Variants in PLEKHG1 observed in about 807,000 individuals in gnomAD.
PLEKHG1 encodes the protein pleckstrin homology and RhoGEF domain containing G1.
In PLEKHG1, 44 loss-of-function variants were observed where a neutral mutation model predicts 100.8. The observed-to-expected ratio is 0.44, with a 90% CI of 0.34 to 0.56. The LOEUF (loss-of-function observed/expected upper bound fraction) is 0.56, where lower values mean the gene tolerates loss of function less well. Ranked by LOEUF, PLEKHG1 falls within the 20% of genes least tolerant of loss-of-function variation. PLEKHG1 has a pLI of 0.01. For synonymous variants in PLEKHG1, 640 were observed against 662.5 expected (o/e 0.97, Z 0.52); for missense variants, 1,545 against 1,720.9 (o/e 0.90, Z 1.81).
chr6:150,644,645 ATTC>A (rs1240741595), intron 2 of PLEKHG1, among the ~76,000 whole-genome samples: 2 of 151,864 alleles, frequency 1.3e-5, no homozygotes, highest in Non-Finnish European at 2.9e-5. Context: ...TGTTTTTTGT[ATTC>A]TTCTTATTTT....
intron 2 of PLEKHG1, among the ~76,000 whole-genome samples, chr6:150,748,516 A>G (rs1284237396): frequency 6.6e-6 from 1 of 150,786 alleles, no homozygotes; most frequent in African/African-American, 2.4e-5. Context: ...ATTTTCTAGT[A>G]TTTGCTGTCA....
intron 2 of PLEKHG1, among the ~76,000 whole-genome samples, chr6:150,641,342 C>T (rs971257314): frequency 6.6e-6 from 1 of 152,146 alleles, no homozygotes; most frequent in Non-Finnish European, 1.5e-5. Context: ...AAGAGATGAT[C>T]TGTGAAGTTC....
intron 3 of PLEKHG1, among the ~76,000 whole-genome samples, chr6:150,714,644 C>G (rs1272437263): frequency 2.6e-5 from 4 of 152,120 alleles, no homozygotes; most frequent in Non-Finnish European, 5.9e-5. Flanking sequence ...GGCTGAGAAA[C>G]TACATTTTCA....
At chr6:150,650,114 AG>A (rs1778667097) in intron 2 of PLEKHG1, among the ~76,000 whole-genome samples, 1 of 151,658 alleles carries the variant, frequency 6.6e-6, no homozygotes. Flanking sequence ...GAAAAACTGC[AG>A]CCCCAAATTT....
At chr6:150,760,638 T>TC in intron 2 of PLEKHG1, among the ~76,000 whole-genome samples, 1 of 145,598 alleles carries the variant, frequency 6.9e-6, no homozygotes, top group Non-Finnish European at 1.5e-5. Context: ...TGCTTTGCTT[T>TC]TTTTTTTTTT....
chr6:150,800,756 A>G (rs1184627399), exon 6 of PLEKHG1: 3 of 1,614,014 alleles, frequency 1.9e-6, no homozygotes, highest in Non-Finnish European at 2.5e-6. Flanking sequence ...GAGGAACAAG[A>G]TACTGGCCAA....
intron 3 of PLEKHG1, among the ~76,000 whole-genome samples, chr6:150,669,593 CTTTTTTT>C (rs1214928577): frequency 7.8e-6 from 1 of 127,614 alleles, no homozygotes; most frequent in Non-Finnish European, 1.7e-5. Context: ...AAGAATTATT[CTTTTTTT>C]TTTTTTTTTT....
At chr6:150,832,070 A>G (rs1191079072) in exon 15 of PLEKHG1, 9 of 1,614,096 alleles carry the variant, frequency 5.6e-6, no homozygotes, top group Non-Finnish European at 7.6e-6. Context: ...CAGTCAGAAG[A>G]TTAAGAAGGC....
In PLEKHG1 at chr6:150,821,378, T is replaced by C. The variant is rs1052770301; in HGVS notation, c.1447+145T>C. 2.4e-5 allele frequency: 16 copies of C among 673,202 alleles called. No individual in the cohort carries two copies. In the Admixed American group the frequency reaches 3.5e-4, roughly 15 times the overall value. 41.7% of individuals were successfully genotyped at this position (673,202 alleles called of 1,614,324 possible). A position where few individuals can be genotyped will look rare whatever the true frequency, so the allele number is the denominator to read the frequency against. On this transcript the variant is annotated intron_variant, in intron 13 of 15. Transcript: ENST00000358517. ...AGATTAACTTCTGTAAATAAAAGTG[T>C]CCCATTATAAAATATATAGTCAAAG... is the stretch of plus-strand genomic sequence containing the variant.
intron 1 of PLEKHG1, among the ~76,000 whole-genome samples, chr6:150,602,672 T>C (rs925812002): frequency 2.6e-5 from 4 of 152,132 alleles, no homozygotes; most frequent in Admixed American, 1.3e-4. Flanking sequence ...TTGAAGATGA[T>C]TGTTGTTGAT....
intron 3 of PLEKHG1, among the ~76,000 whole-genome samples, chr6:150,704,114 C>T (rs1162466497): frequency 6.6e-6 from 1 of 152,184 alleles, no homozygotes; most frequent in Non-Finnish European, 1.5e-5. Flanking sequence ...GTCCGACTGA[C>T]CTGTTAGCAT....
Position 150,832,216 on chromosome 6 carries a change from C to T in PLEKHG1, c.3094+11C>T, listed in dbSNP as rs1583217827. ...GAGGGCCCGCCATTGGTATGTGCAC[C>T]CTGCCCTTCTTCCTTCTCCAAAGTA... is the stretch of plus-strand genomic sequence containing the variant. On this transcript the variant is annotated intron_variant, in intron 15 of 15. Coordinates refer to ENST00000358517, the Ensembl canonical transcript of PLEKHG1. 1.3e-6 allele frequency: 2 copies of T among 1,550,848 alleles called. No homozygotes were observed. The highest frequency in any genetic ancestry group is 2.8e-5 in the African/African-American group (2 of 72,604).
At chr6:150,603,467 C>T (rs1776454670) in intron 1 of PLEKHG1, among the ~76,000 whole-genome samples, 1 of 152,156 alleles carries the variant, frequency 6.6e-6, no homozygotes. Context: ...AATGCTTTAG[C>T]TGAGAAGACA....
At chr6:150,705,669 G>A (rs946316172) in intron 3 of PLEKHG1, among the ~76,000 whole-genome samples, 12 of 152,192 alleles carry the variant, frequency 7.9e-5, no homozygotes, top group African/African-American at 2.7e-4. Context: ...TCTTCCTCAT[G>A]AGGATTAGGG....
rs185632724 is a variant in PLEKHG1, at chr6:150,787,613, G to A, written c.582+1154G>A. On this transcript the variant is annotated intron_variant, in intron 4 of 15. Coordinates refer to ENST00000358517, the Ensembl canonical transcript of PLEKHG1. ...AGACCCACTGGGAATTAGCACACGC[G>A]GAGTCCGGTGTGAACTGGGAGATGT... Among the ~76,000 whole-genome samples, 26 of 152,302 alleles carry A rather than the reference G, an allele frequency of 1.7e-4. No homozygotes were observed. In the East Asian group the frequency reaches 2.7e-3, roughly 16 times the overall value.
At chr6:150,721,797 G>A (rs1485755132) in intron 1 of PLEKHG1, among the ~76,000 whole-genome samples, 2 of 152,144 alleles carry the variant, frequency 1.3e-5, no homozygotes, top group Admixed American at 1.3e-4. Flanking sequence ...TGTATTCAAT[G>A]CCGTTGTCCA....
intron 1 of PLEKHG1, among the ~76,000 whole-genome samples, chr6:150,611,617 G>A (rs1776831386): frequency 6.6e-6 from 1 of 152,122 alleles, no homozygotes; most frequent in Admixed American, 6.5e-5. Flanking sequence ...TTCAAGACCA[G>A]CCTGGCCAAC....
intron 2 of PLEKHG1, among the ~76,000 whole-genome samples, chr6:150,643,900 CT>C (rs796721327): frequency 0.012 from 1,767 of 145,044 alleles, 31 homozygotes; most frequent in African/African-American, 0.038. Flanking sequence ...TTGACACCCA[CT>C]TTTTTTTTTT....
At chr6:150,838,250 T>C (rs115364103) in intron 15 of PLEKHG1, among the ~76,000 whole-genome samples, 5,108 of 152,328 alleles carry the variant, frequency 0.034, 108 homozygotes, top group South Asian at 0.067. Context: ...ATTTCCTTCA[T>C]AAAGATTGTG....
Sources: gnomAD v4.1 joint callset for allele counts (sites outside exome capture counted in the v4.1 genomes callset) on GRCh38, gnomAD v4.1.1 for gene constraint, MANE v1.5 for transcripts, NCBI Gene and HGNC (gene_info 2026-07-23, HGNC 2026-07-21) for gene names.